The following USH2A variants were observed in gnomAD, a reference collection of about 807,000 sequenced individuals.
The protein encoded by USH2A is Usher syndrome 2A (autosomal recessive, mild).
USH2A carries 443 observed loss-of-function variants against 538.9 expected under a neutral mutation model. That is an observed-to-expected ratio of 0.82 (90% CI 0.76 to 0.89). USH2A has a LOEUF of 0.89. Among genes scored for constraint, USH2A ranks in the 40% least tolerant of loss-of-function variants. USH2A has a pLI of 0.00. For missense variants in USH2A, 6,633 were observed against 6,324.8 expected, an observed-to-expected ratio of 1.05 and a Z score of -1.65; for synonymous variants, 2,413 against 2,273.5, an observed-to-expected ratio of 1.06 and a Z score of -1.75.
intron 21 of USH2A, among the ~76,000 whole-genome samples, chr1:216,104,817 A>C (rs2032690772): frequency 6.6e-6 from 1 of 152,228 alleles, no homozygotes; most frequent in Non-Finnish European, 1.5e-5. Context: ...CAAAATTGAC[A>C]AATGGGATCT....
chr1:215,950,445 A>G (rs1287775385), intron 37 of USH2A, among the ~76,000 whole-genome samples: 1 of 151,986 alleles, frequency 6.6e-6, no homozygotes. Context: ...ATGAATACAC[A>G]TATGTATATC....
At chr1:215,740,271 A>G (rs1185364373) in intron 60 of USH2A, among the ~76,000 whole-genome samples, 1 of 152,030 alleles carries the variant, frequency 6.6e-6, no homozygotes, top group African/African-American at 2.4e-5. Context: ...ATTTAAAGCA[A>G]TGTTCATGTT....
intron 21 of USH2A, among the ~76,000 whole-genome samples, chr1:216,153,027 T>C (rs1187229250): frequency 6.6e-6 from 1 of 152,096 alleles, no homozygotes; most frequent in East Asian, 1.9e-4. Context: ...AGAGAGGAGA[T>C]TGGCCGCCGG....
At chr1:215,922,617 G>A (rs1177519590) in intron 38 of USH2A, among the ~76,000 whole-genome samples, 1 of 152,084 alleles carries the variant, frequency 6.6e-6, no homozygotes, top group African/African-American at 2.4e-5. Context: ...GGCACCCAGT[G>A]ACCTGGGAGT....
At chr1:215,802,499 T>A (rs1270238031) in intron 49 of USH2A, among the ~76,000 whole-genome samples, 1 of 151,870 alleles carries the variant, frequency 6.6e-6, no homozygotes, top group Non-Finnish European at 1.5e-5. Flanking sequence ...AAATAGCCAA[T>A]AAACACATGA....
intron 61 of USH2A, among the ~76,000 whole-genome samples, chr1:215,710,500 CG>C (rs1452888916): frequency 6.6e-6 from 1 of 152,086 alleles, no homozygotes; most frequent in African/African-American, 2.4e-5. Flanking sequence ...ACTGCTCATA[CG>C]TTTAGCTCAG....
intron 20 of USH2A, among the ~76,000 whole-genome samples, chr1:216,182,210 T>C (rs968807252): frequency 4.6e-5 from 7 of 152,212 alleles, no homozygotes; most frequent in Admixed American, 4.6e-4. Flanking sequence ...TTTGTTCAGA[T>C]GATTTTTTGC....
chr1:215,661,474 A>C (rs1383314351), intron 64 of USH2A, among the ~76,000 whole-genome samples: 1 of 152,096 alleles, frequency 6.6e-6, no homozygotes, highest in African/African-American at 2.4e-5. Context: ...TGGGTACTTC[A>C]ACATCCCTTA....
chr1:215,952,400 G>A (rs1455088034), intron 37 of USH2A, among the ~76,000 whole-genome samples: 1 of 152,182 alleles, frequency 6.6e-6, no homozygotes. Context: ...ATATTGCTAT[G>A]TGTGAATGTG....
intron 29 of USH2A, 133 bp from the exon 30 acceptor site, chr1:216,070,425 C>T (rs770379004): frequency 5.8e-6 from 5 of 858,088 alleles, no homozygotes; most frequent in African/African-American, 5.0e-5. Flanking sequence ...AGAGTTGTAA[C>T]TTTTCAGCAT....
intron 30 of USH2A, among the ~76,000 whole-genome samples, chr1:216,050,115 C>T (rs1214269682): frequency 6.6e-6 from 1 of 152,172 alleles, no homozygotes; most frequent in African/African-American, 2.4e-5. Context: ...AGTTTACTTT[C>T]TTTTAAGAAG....
intron 35 of USH2A, among the ~76,000 whole-genome samples, chr1:215,978,944 A>G (rs1419681948): frequency 1.3e-5 from 2 of 152,204 alleles, no homozygotes; most frequent in Non-Finnish European, 1.5e-5. Context: ...AAATAGATCA[A>G]TAATCTGTTG....
rs1354855644 is a variant in USH2A at position 215,634,503 on chromosome 1, T to C, written c.15253A>G (p.Arg5085Gly). 1.9e-6 allele frequency: 3 copies of C among 1,614,116 alleles called. No homozygotes were observed. The highest frequency in any genetic ancestry group is 2.2e-5 in the South Asian group (2 of 91,092). The change falls in exon 70 of 72, where the codon AGG becomes GGG. Residue 5085 changes from arginine (R) to glycine (G), a missense_variant. Physicochemically the swap from Arg to Gly is moderately radical, Grantham distance 125. Coordinates refer to ENST00000307340, the MANE Select transcript of USH2A (RefSeq NM_206933.4). ...ERPPLVPLQK[R>G]MSPLNVYPPG... ...GGGTAAACATTCAATGGAGACATCCTCTTCTGAAGAGGTACCAAGGGAGGT... is the reference window on the plus strand; with the variant it reads ...GGGTAAACATTCAATGGAGACATCCCCTTCTGAAGAGGTACCAAGGGAGGT...
rs545274422 is a variant in USH2A at position 216,344,870 on chromosome 1, T to C, written c.785-17216A>G. On this transcript the variant is annotated intron_variant, in intron 4 of 71. Transcript: ENST00000307340. ...CAGTAAAGTCCCTCTCAGCTAATAA[T>C]GGGTTTGGCAATACGAGATATTAAC... 3.3e-5 allele frequency among the ~76,000 whole-genome samples: 5 copies of C among 150,836 alleles called. No individual in the cohort carries two copies. The South Asian group carries it at 1.1e-3, about 32-fold the overall frequency.
chr1:215,789,774 G>A (rs548669405), intron 51 of USH2A, among the ~76,000 whole-genome samples: 4 of 152,208 alleles, frequency 2.6e-5, no homozygotes, highest in African/African-American at 9.6e-5. Flanking sequence ...GGCCCCAGAC[G>A]ACCTGTGCTG....
chr1:216,088,973 A>T (rs1218902374), intron 23 of USH2A, 40 bp downstream of exon 23: 2 of 1,611,864 alleles, frequency 1.2e-6, no homozygotes, highest in Admixed American at 1.7e-5. Context: ...CAACACCAAC[A>T]TATCAACAGG....
At chr1:215,799,227 G>C in intron 49 of USH2A, 102 bp from the exon 50 acceptor site, 2 of 1,296,164 alleles carry the variant, frequency 1.5e-6, no homozygotes, top group Non-Finnish European at 1.1e-6. Flanking sequence ...CCAACTGATT[G>C]ACAGAATTAC....
chr1:216,147,843 T>C (rs1339714322), intron 21 of USH2A, among the ~76,000 whole-genome samples: 1 of 151,206 alleles, frequency 6.6e-6, no homozygotes, highest in South Asian at 2.1e-4. Flanking sequence ...ATCTGGCCAC[T>C]GGGCCAAGGA....
intron 21 of USH2A, chr1:216,174,825 C>A: frequency 2.0e-6 from 2 of 1,016,400 alleles, no homozygotes; most frequent in Non-Finnish European, 2.4e-6. Flanking sequence ...ATTAGCTAAG[C>A]AAAGTTGAAT....
Sources: allele counts gnomAD v4.1 joint callset (sites outside exome capture counted in the v4.1 genomes callset), GRCh38; gene constraint gnomAD v4.1.1; transcripts MANE v1.5; gene names NCBI Gene and HGNC (gene_info 2026-07-23, HGNC 2026-07-21).